The following KCNMA1 variants were observed in gnomAD, a reference collection of about 807,000 sequenced individuals.
KCNMA1 encodes the protein potassium calcium-activated channel subfamily M alpha 1.
Under a neutral mutation model 140.0 loss-of-function variants are expected in KCNMA1, and 29 were observed. The observed-to-expected ratio is 0.21, with a 90% CI of 0.15 to 0.28. The LOEUF (loss-of-function observed/expected upper bound fraction) is 0.28. Among genes scored for constraint, KCNMA1 ranks in the 10% least tolerant of loss-of-function variants. The pLI is 1.00. For missense variants in KCNMA1, 880 were observed against 1,602.2 expected (o/e 0.55, Z 7.70); for synonymous variants, 612 against 611.9 (o/e 1.00, Z 0.00).
At chr10:76,914,631 C>A in intron 24 of KCNMA1, 1 of 366,768 alleles carries the variant, frequency 2.7e-6, no homozygotes, top group Non-Finnish European at 5.1e-6. Flanking sequence ...GTGAACTAAG[C>A]CTTTCCTCCT....
chr10:77,124,100 G>A (rs2097684524), intron 5 of KCNMA1, among the ~76,000 whole-genome samples: 1 of 152,168 alleles, frequency 6.6e-6, no homozygotes, highest in Non-Finnish European at 1.5e-5. Flanking sequence ...TAGATAAGAG[G>A]CACTCCTGTA....
rs541069424 is a variant in KCNMA1, at chr10:77,404,011, T to A, written c.391A>T (p.Ile131Phe). ...CGGKTKEAQK[I>F]NNGSSQADGT... is the part of the protein sequence containing the mutation. ...TCCGCCTGGCTTGAGCCATTGTTAATCTTCTGGGCCTCCTGGCAACAGAGA... is the reference window on the plus strand; with the variant it reads ...TCCGCCTGGCTTGAGCCATTGTTAAACTTCTGGGCCTCCTGGCAACAGAGA... The change falls in exon 2 of 28, where the codon ATT (isoleucine) becomes TTT (phenylalanine). Residue 131 changes from isoleucine (I) to phenylalanine (F), a missense_variant. By Grantham distance (21) the Ile-to-Phe change is conservative (BLOSUM62 0). Coordinates refer to ENST00000286628, the MANE Select transcript of KCNMA1 (RefSeq NM_001161352.2). The A allele has an allele frequency of 6.2e-7, 1 of 1,614,138 alleles. No individual in the cohort carries two copies. Among genetic ancestry groups the A allele is most frequent in the Non-Finnish European group, 8.5e-7 (1 of 1,180,038 alleles).
intron 18 of KCNMA1, among the ~76,000 whole-genome samples, chr10:77,005,395 T>G (rs1158063661): frequency 6.6e-6 from 1 of 152,200 alleles, no homozygotes; most frequent in Non-Finnish European, 1.5e-5. Flanking sequence ...GTCTCCTTTT[T>G]AAAGCCCTGC....
intron 3 of KCNMA1, among the ~76,000 whole-genome samples, chr10:77,229,483 C>T (rs1213647325): frequency 6.6e-6 from 1 of 152,186 alleles, no homozygotes; most frequent in Admixed American, 6.5e-5. Context: ...GTTCAGCCTA[C>T]TGTCTGCCAG....
intron 2 of KCNMA1, among the ~76,000 whole-genome samples, chr10:77,275,454 A>G (rs1376725098): frequency 6.6e-6 from 1 of 152,224 alleles, no homozygotes; most frequent in Non-Finnish European, 1.5e-5. Context: ...GTAAGCCTGT[A>G]TTTTAGAGGA....
intron 1 of KCNMA1, among the ~76,000 whole-genome samples, chr10:77,487,803 A>G (rs921318816): frequency 6.6e-6 from 1 of 152,196 alleles, no homozygotes; most frequent in African/African-American, 2.4e-5. Flanking sequence ...TGGTCCTCAG[A>G]GATGGCCCTG....
intron 4 of KCNMA1, 133 bp downstream of exon 4, chr10:77,184,690 G>A (rs1458142142): frequency 5.5e-6 from 4 of 724,138 alleles, no homozygotes; most frequent in Non-Finnish European, 5.1e-6. Flanking sequence ...CTCTCAGACT[G>A]AAAATCAGAA....
At chr10:77,399,374 G>T (rs994088571) in intron 2 of KCNMA1, among the ~76,000 whole-genome samples, 1 of 152,086 alleles carries the variant, frequency 6.6e-6, no homozygotes, top group Non-Finnish European at 1.5e-5. Context: ...ACGTCTTCCA[G>T]CACATTTCAA....
intron 1 of KCNMA1, among the ~76,000 whole-genome samples, chr10:77,474,450 G>A (rs1409469402): frequency 2.6e-5 from 4 of 152,182 alleles, no homozygotes; most frequent in Admixed American, 2.6e-4. Context: ...CCATCTACAA[G>A]AGCCAAGGAG....
chr10:77,608,256 T>C (rs1225864191), intron 1 of KCNMA1, among the ~76,000 whole-genome samples: 1 of 152,124 alleles, frequency 6.6e-6, no homozygotes, highest in Non-Finnish European at 1.5e-5. Flanking sequence ...CACTGCAACC[T>C]CCACCTCCCA....
intron 1 of KCNMA1, among the ~76,000 whole-genome samples, chr10:77,465,646 G>A (rs867705057): frequency 6.6e-6 from 1 of 152,154 alleles, no homozygotes; most frequent in Non-Finnish European, 1.5e-5. Flanking sequence ...GCACCCTATC[G>A]GCACCTGGCA....
chr10:77,403,069 G>GTA (rs949762265), intron 2 of KCNMA1, among the ~76,000 whole-genome samples: 22 of 152,140 alleles, frequency 1.4e-4, no homozygotes, highest in African/African-American at 4.8e-4. Context: ...CATGTCTCAT[G>GTA]TACCCCTCAG....
At chr10:77,600,538 C>T (rs766885798) in intron 1 of KCNMA1, among the ~76,000 whole-genome samples, 8 of 152,158 alleles carry the variant, frequency 5.3e-5, no homozygotes, top group East Asian at 1.9e-4. Flanking sequence ...CACCTGAGGT[C>T]GGCAGTTTGA....
chr10:77,083,523 A>AT lies in KCNMA1; in HGVS notation c.1523+1113_1523+1114insA, dbSNP rs1162019845. On this transcript the variant is annotated intron_variant, in intron 12 of 27. Coordinates refer to ENST00000286628, the MANE Select transcript of KCNMA1 (RefSeq NM_001161352.2). The stretch of plus-strand genomic sequence containing the variant: ...CTGTAAAAAAAAAAAAAAAAAAAAA[A>AT]GGGAGGGCAGGGCAGGGCAGGGCAG... Among the ~76,000 whole-genome samples the AT allele has an allele frequency of 8.4e-5, 12 of 142,476 alleles. 1 individual carries two copies. Among genetic ancestry groups the AT allele is most frequent in the Non-Finnish European group, 1.1e-4 (7 of 64,426 alleles). 93.5% of individuals were successfully genotyped at this position (142,476 alleles called of 152,430 possible).
intron 1 of KCNMA1, among the ~76,000 whole-genome samples, chr10:77,556,841 G>A (rs1255241731): frequency 6.6e-6 from 1 of 152,134 alleles, no homozygotes; most frequent in East Asian, 1.9e-4. Context: ...GTAATCCTTG[G>A]GGCATTTCCT....
intron 14 of KCNMA1, among the ~76,000 whole-genome samples, chr10:77,050,873 C>T (rs1231822762): frequency 6.6e-6 from 1 of 152,166 alleles, no homozygotes; most frequent in African/African-American, 2.4e-5. Flanking sequence ...GAGCCAGTTA[C>T]AGAGAAAGCT....
chr10:77,614,230 A>G (rs2088352600), intron 1 of KCNMA1, among the ~76,000 whole-genome samples: 1 of 152,244 alleles, frequency 6.6e-6, no homozygotes, highest in Admixed American at 6.5e-5. Flanking sequence ...ATTCATCAGC[A>G]AGAGGTTACT....
chr10:77,482,140 G>A (rs1162522977), intron 1 of KCNMA1, among the ~76,000 whole-genome samples: 2 of 152,232 alleles, frequency 1.3e-5, no homozygotes, highest in Admixed American at 6.5e-5. Context: ...TGATAGCCCT[G>A]TAGTTTAATT....
intron 5 of KCNMA1, among the ~76,000 whole-genome samples, chr10:77,157,662 T>C (rs1032118531): frequency 6.6e-6 from 1 of 152,178 alleles, no homozygotes; most frequent in African/African-American, 2.4e-5. Context: ...TTGGGGGTTT[T>C]GGAAGTATTT....
Sources: allele counts gnomAD v4.1 joint callset (sites outside exome capture counted in the v4.1 genomes callset), GRCh38; gene constraint gnomAD v4.1.1; transcripts MANE v1.5; gene names NCBI Gene and HGNC (gene_info 2026-07-23, HGNC 2026-07-21).